CFAP61: variants seen among roughly 807,000 people sequenced by gnomAD.
The protein encoded by CFAP61 is cilia- and flagella-associated protein 61.
CFAP61 carries 107 observed loss-of-function variants against 135.6 expected under a neutral mutation model. The observed-to-expected ratio is 0.79, with a 90% CI of 0.67 to 0.93. The LOEUF is 0.93. Among genes scored for constraint, CFAP61 ranks in the 40% least tolerant of loss-of-function variants. CFAP61 has a pLI of 0.00. For synonymous variants in CFAP61, 575 were observed against 578.5 expected, an observed-to-expected ratio of 0.99 and a Z score of 0.09; for missense variants, 1,507 against 1,556.2, an observed-to-expected ratio of 0.97 and a Z score of 0.53.
intron 9 of CFAP61, among the ~76,000 whole-genome samples, chr20:20,158,026 G>A (rs543495317): frequency 1.9e-4 from 29 of 151,206 alleles, no homozygotes; most frequent in African/African-American, 6.1e-4. Context: ...TCACTCATAG[G>A]TGGGAATTGA....
intron 21 of CFAP61, among the ~76,000 whole-genome samples, chr20:20,270,706 G>T (rs1218467397): frequency 6.8e-6 from 1 of 147,556 alleles, no homozygotes; most frequent in African/African-American, 2.5e-5. Flanking sequence ...TTAAGACAGA[G>T]CCTGTCTCTG....
intron 21 of CFAP61, among the ~76,000 whole-genome samples, chr20:20,271,073 CT>C (rs2053309450): frequency 6.6e-6 from 1 of 152,200 alleles, no homozygotes; most frequent in African/African-American, 2.4e-5. Context: ...GAGAGGATCA[CT>C]TGAAGCCAGG....
intron 6 of CFAP61, among the ~76,000 whole-genome samples, chr20:20,088,634 G>T (rs1460210329): frequency 6.6e-6 from 1 of 150,426 alleles, no homozygotes; most frequent in East Asian, 1.9e-4. Flanking sequence ...GATGAGATTT[G>T]GGTGGGGACA....
At position 20,269,240 on chromosome 20, in the gene CFAP61, C is replaced by CATGCATGTATATATAT. The variant is rs1569220097; in HGVS notation, c.2503+6111_2503+6112insTGCATGTATATATATA. ...ATATATACATATATGTATATATATA[C>CATGCATGTATATATAT]ACGTATATGTGCATATATACATATA... On this transcript the variant is annotated intron_variant, in intron 21 of 26. Coordinates refer to ENST00000245957, the MANE Select transcript of CFAP61 (RefSeq NM_015585.4). 8.3e-4 allele frequency among the ~76,000 whole-genome samples: 102 copies of CATGCATGTATATATAT among 123,556 alleles called. 2 individuals are homozygous for CATGCATGTATATATAT. The highest frequency in any genetic ancestry group is 1.4e-3 in the Non-Finnish European group (74 of 53,910). 81.1% of individuals were successfully genotyped at this position (123,556 alleles called of 152,430 possible). A position where few individuals can be genotyped will look rare whatever the true frequency, so the allele number is the denominator to read the frequency against.
intron 17 of CFAP61, among the ~76,000 whole-genome samples, chr20:20,216,789 A>G (rs2048066814): frequency 7.3e-6 from 1 of 137,082 alleles, no homozygotes; most frequent in African/African-American, 2.7e-5. Context: ...GAAATTTTCT[A>G]TACCAATTTT....
intron 26 of CFAP61, among the ~76,000 whole-genome samples, chr20:20,348,722 G>GA (rs1301359388): frequency 8.1e-4 from 110 of 136,224 alleles, no homozygotes; most frequent in Non-Finnish European, 1.2e-3. Context: ...GAACAAAGGG[G>GA]AAAAAACACT....
At chr20:20,256,885 G>A (rs2051643028) in intron 20 of CFAP61, among the ~76,000 whole-genome samples, 1 of 152,104 alleles carries the variant, frequency 6.6e-6, no homozygotes, top group African/African-American at 2.4e-5. Context: ...TTCTTTCTTA[G>A]TCACCCATCT....
chr20:20,059,206 G>A (rs752221353), intron 2 of CFAP61, among the ~76,000 whole-genome samples: 8 of 151,204 alleles, frequency 5.3e-5, no homozygotes, highest in Non-Finnish European at 8.8e-5. Flanking sequence ...CGCGCACTCT[G>A]TAGTCCCACT....
intron 17 of CFAP61, among the ~76,000 whole-genome samples, chr20:20,220,621 T>C (rs549566501): frequency 6.6e-6 from 1 of 152,256 alleles, no homozygotes; most frequent in South Asian, 2.1e-4. Flanking sequence ...GTCAGAGAAT[T>C]GGTCAGTGTG....
intron 10 of CFAP61, among the ~76,000 whole-genome samples, chr20:20,159,965 G>A (rs888586009): frequency 7.2e-5 from 11 of 152,170 alleles, no homozygotes; most frequent in African/African-American, 2.7e-4. Flanking sequence ...ACCATCCTTT[G>A]TTGGTTTCCC....
In CFAP61 at chr20:20,346,497, G is replaced by A. The variant is rs536765744; in HGVS notation, c.3513+4576G>A. Among the ~76,000 whole-genome samples the A allele has an allele frequency of 2.1e-3, 263 of 123,850 alleles. 1 individual carries two copies. Among genetic ancestry groups the A allele is most frequent in the African/African-American group, 7.5e-3 (245 of 32,708 alleles). The allele number at this position is 123,850 out of a possible 152,430, so 81.3% of individuals were successfully genotyped here. On this transcript the variant is annotated intron_variant, in intron 26 of 26. Coordinates refer to ENST00000245957, the MANE Select transcript of CFAP61 (RefSeq NM_015585.4). ...CATGCCATTGCACTCCAGCCTGGGC[G>A]ACAAGAGCAAAACTCCGTCTCAAAA...
intron 21 of CFAP61, among the ~76,000 whole-genome samples, chr20:20,264,697 G>C (rs1319521192): frequency 6.6e-6 from 1 of 152,098 alleles, no homozygotes; most frequent in Non-Finnish European, 1.5e-5. Context: ...TTTGAGACCA[G>C]CCTGGGAAAC....
At chr20:20,325,856 C>T (rs570850490) in intron 25 of CFAP61, among the ~76,000 whole-genome samples, 69 of 152,300 alleles carry the variant, frequency 4.5e-4, no homozygotes, top group Admixed American at 1.6e-3. Context: ...TCCTGTTGTT[C>T]CACATCCATG....
intron 25 of CFAP61, among the ~76,000 whole-genome samples, chr20:20,300,688 T>C (rs2122142259): frequency 6.6e-6 from 1 of 151,280 alleles, no homozygotes; most frequent in East Asian, 1.9e-4. Context: ...CACTGAAGCC[T>C]CTGCCTCCCT....
rs542956852 is a variant in CFAP61 at position 20,166,720 on chromosome 20, T to G, written c.1245+284T>G. ...CATTCATAGTAATACATGAAAATGTTGGAAATTAAAGTGAATGACACTGTT... is the reference window on the plus strand; with the variant it reads ...CATTCATAGTAATACATGAAAATGTGGGAAATTAAAGTGAATGACACTGTT... On this transcript the variant is annotated intron_variant, in intron 12 of 26. Coordinates refer to ENST00000245957, the MANE Select transcript of CFAP61 (RefSeq NM_015585.4). Among the ~76,000 whole-genome samples the G allele has an allele frequency of 8.7e-4, 120 of 138,094 alleles. No individual in the cohort carries two copies. The South Asian group carries it at 0.012, about 14-fold the overall frequency. The allele number at this position is 138,094 out of a possible 152,430, so 90.6% of individuals were successfully genotyped here.
chr20:20,187,098 G>A (rs962860429), intron 13 of CFAP61, among the ~76,000 whole-genome samples: 5 of 152,154 alleles, frequency 3.3e-5, no homozygotes, highest in African/African-American at 9.7e-5. Flanking sequence ...AGCCGAACAC[G>A]CCATGGCACT....
At chr20:20,197,119 C>T (rs1421651641) in intron 16 of CFAP61, among the ~76,000 whole-genome samples, 1 of 152,192 alleles carries the variant, frequency 6.6e-6, no homozygotes, top group African/African-American at 2.4e-5. Context: ...TGATCCTATT[C>T]TGTTCCTTCA....
rs536559461 is a variant in CFAP61, at chr20:20,134,502, G to A, written c.860-8355G>A. 3.3e-5 allele frequency among the ~76,000 whole-genome samples: 5 copies of A among 152,188 alleles called. No homozygotes were observed. In the South Asian group the frequency reaches 1.0e-3, roughly 32 times the overall value. On this transcript the variant is annotated intron_variant, in intron 8 of 26. Coordinates refer to ENST00000245957, the MANE Select transcript of CFAP61 (RefSeq NM_015585.4). Reference sequence around the variant, plus strand: ...CGGTCATATGTGATGATGAACCATTGGAAATATTTAATTAGAATGCATTAC... The same window carrying A: ...CGGTCATATGTGATGATGAACCATTAGAAATATTTAATTAGAATGCATTAC...
chr20:20,246,600 C>T (rs1465258917), intron 19 of CFAP61, among the ~76,000 whole-genome samples: 6 of 152,242 alleles, frequency 3.9e-5, no homozygotes, highest in African/African-American at 7.2e-5. Flanking sequence ...GCCATTTGTA[C>T]TCAGCAGCTG....
Sources: gnomAD v4.1 joint callset for allele counts (sites outside exome capture counted in the v4.1 genomes callset) on GRCh38, gnomAD v4.1.1 for gene constraint, MANE v1.5 for transcripts, NCBI Gene and HGNC (gene_info 2026-07-23, HGNC 2026-07-21) for gene names.